REPS1: variants seen among roughly 807,000 people sequenced by gnomAD.
REPS1 encodes ralBP1-associated Eps domain-containing protein 1.
A neutral mutation model predicts 100.9 loss-of-function variants in REPS1; 39 were observed. That is an observed-to-expected ratio of 0.39 (90% CI 0.30 to 0.50). REPS1 has a LOEUF of 0.50. Among genes scored for constraint, REPS1 ranks in the 20% least tolerant of loss-of-function variants. REPS1 has a pLI of 0.86. For missense variants in REPS1, 821 were observed against 968.5 expected, an observed-to-expected ratio of 0.85 and a Z score of 2.02; for synonymous variants, 324 against 340.3, an observed-to-expected ratio of 0.95 and a Z score of 0.53.
At chr6:138,957,534 G>A (rs1783468633) in intron 1 of REPS1, among the ~76,000 whole-genome samples, 1 of 152,132 alleles carries the variant, frequency 6.6e-6, no homozygotes, top group Non-Finnish European at 1.5e-5. Context: ...ATTGAAGGAT[G>A]TCATTCAGCA....
intron 2 of REPS1, among the ~76,000 whole-genome samples, chr6:138,947,035 GCTCTCTCTCTCTCTCTCT>G (rs10581264): frequency 1.5e-5 from 2 of 137,636 alleles, no homozygotes; most frequent in Non-Finnish European, 3.1e-5. Flanking sequence ...ATTCCCCCTT[GCTCTCTCTCTCTCTCTCT>G]CTCTCTCTCT....
At chr6:138,986,194 T>A (rs578166289) in intron 1 of REPS1, among the ~76,000 whole-genome samples, 12 of 152,352 alleles carry the variant, frequency 7.9e-5, no homozygotes, top group Non-Finnish European at 1.6e-4. Context: ...AGAGCATATG[T>A]GGCCAGCAAA....
intron 1 of REPS1, among the ~76,000 whole-genome samples, chr6:138,966,827 A>G (rs928826919): frequency 8.5e-5 from 13 of 152,222 alleles, no homozygotes; most frequent in African/African-American, 3.1e-4. Flanking sequence ...GGTCCCTTCT[A>G]ATACAAATAT....
rs752858400 is a variant in REPS1 at position 138,943,999 on chromosome 6, C to T, written c.770G>A (p.Arg257Gln). Reference sequence around the variant, plus strand: ...GGCAGTTGTAGCTGATGCTACAGTTCGTACTGTTGTCTGGTCCTGTAATGA... The same window carrying T: ...GGCAGTTGTAGCTGATGCTACAGTTTGTACTGTTGTCTGGTCCTGTAATGA... Reference protein sequence around the residue: ...PASVQDQTTVRTVASATTAIE... With the variant: ...PASVQDQTTVQTVASATTAIE... The change falls in exon 6 of 20, where the codon CGA becomes CAA. Residue 257 changes from arginine (R) to glutamine (Q), a missense_variant. Physicochemically the swap from Arg to Gln is conservative, Grantham distance 43. Transcript: ENST00000450536. The T allele has an allele frequency of 9.3e-6, 15 of 1,613,680 alleles. No homozygotes were observed. Among genetic ancestry groups the T allele is most frequent in the African/African-American group, 2.7e-5 (2 of 74,906 alleles).
intron 1 of REPS1, among the ~76,000 whole-genome samples, chr6:138,970,345 G>A (rs189239048): frequency 1.3e-5 from 2 of 151,608 alleles, no homozygotes; most frequent in African/African-American, 2.4e-5. Flanking sequence ...TCAGCTCCAC[G>A]ATGAACAAGA....
At chr6:138,963,018 T>C (rs1260546326) in intron 1 of REPS1, among the ~76,000 whole-genome samples, 1 of 152,208 alleles carries the variant, frequency 6.6e-6, no homozygotes, top group East Asian at 1.9e-4. Context: ...TTCTCCATAA[T>C]GTATAACCCC....
At chr6:138,932,411 G>A (rs1007270723) in intron 8 of REPS1, among the ~76,000 whole-genome samples, 9 of 151,982 alleles carry the variant, frequency 5.9e-5, no homozygotes, top group Non-Finnish European at 1.2e-4. Context: ...AGGCAGTGGC[G>A]ACAAAATATA....
chr6:138,916,409 C>T (rs944617740), intron 13 of REPS1, among the ~76,000 whole-genome samples: 37 of 151,026 alleles, frequency 2.4e-4, no homozygotes, highest in African/African-American at 8.8e-4. Context: ...TTAGTAGAGA[C>T]GGAGTTTCAC....
intron 8 of REPS1, among the ~76,000 whole-genome samples, chr6:138,938,201 A>C (rs1781984705): frequency 6.6e-6 from 1 of 152,212 alleles, no homozygotes; most frequent in South Asian, 2.1e-4. Flanking sequence ...CGACAGAAGT[A>C]CTTCTGCCTA....
At chr6:138,950,157 T>C (rs1224502600) in intron 1 of REPS1, among the ~76,000 whole-genome samples, 2 of 152,146 alleles carry the variant, frequency 1.3e-5, no homozygotes, top group African/African-American at 4.8e-5. Context: ...ACAAATCAGA[T>C]ATCCTTTTGA....
At chr6:138,963,020 T>TATA (rs1228863775) in intron 1 of REPS1, among the ~76,000 whole-genome samples, 2 of 152,192 alleles carry the variant, frequency 1.3e-5, no homozygotes, top group African/African-American at 4.8e-5. Flanking sequence ...CTCCATAATG[T>TATA]ATAACCCCAA....
In REPS1 at chr6:138,983,455, A is replaced by AAAAAAT. The variant is rs146935853; in HGVS notation, c.153+4069_153+4074dup. Among the ~76,000 whole-genome samples the AAAAAAT allele has an allele frequency of 8.4e-4, 127 of 152,068 alleles. No individual in the cohort carries two copies. In the Middle Eastern group the frequency reaches 0.01, roughly 12 times the overall value. ...GGGCAACAGAGCGAGAGACTGTCTC[A>AAAAAAT]AAAAATAAAAATAAAAATAAAAATA... On this transcript the variant is annotated intron_variant, in intron 1 of 19. Coordinates refer to ENST00000450536, the MANE Select transcript of REPS1 (RefSeq NM_001286611.2).
At chr6:138,980,281 G>C (rs1398300929) in intron 1 of REPS1, among the ~76,000 whole-genome samples, 1 of 152,030 alleles carries the variant, frequency 6.6e-6, no homozygotes, top group Non-Finnish European at 1.5e-5. Context: ...GCTTCCACTT[G>C]CCCCCAGTAT....
intron 1 of REPS1, among the ~76,000 whole-genome samples, chr6:138,970,145 AT>A (rs1784258911): frequency 6.6e-6 from 1 of 152,152 alleles, no homozygotes; most frequent in African/African-American, 2.4e-5. Flanking sequence ...GGAGGCCACT[AT>A]AGTAGTTCAT....
rs1458435726 is a variant in REPS1, at chr6:138,943,551, T to C, written c.942A>G (p.Thr314=). Residue 314 remains threonine, a synonymous_variant, in exon 7 of 20, where the codon ACA becomes ACG. Coordinates refer to ENST00000450536, the MANE Select transcript of REPS1 (RefSeq NM_001286611.2). Reference sequence around the variant, plus strand: ...GTTCAAGAATAGGAAGTTTTGATTTTGTAAAAAACTCTTTAGCTGCAGATC... The same window carrying C: ...GTTCAAGAATAGGAAGTTTTGATTTCGTAAAAAACTCTTTAGCTGCAGATC... ...IPGSAAKEFF[T]KSKLPILELS... is the part of the protein sequence containing the mutation. The C allele has an allele frequency of 6.3e-7, 1 of 1,591,282 alleles. No individual in the cohort carries two copies. Among genetic ancestry groups the C allele is most frequent in the East Asian group, 2.2e-5 (1 of 44,674 alleles).
intron 1 of REPS1, among the ~76,000 whole-genome samples, chr6:138,978,666 C>T (rs1019177501): frequency 6.6e-6 from 1 of 152,044 alleles, no homozygotes; most frequent in Non-Finnish European, 1.5e-5. Flanking sequence ...AGTTTATTCC[C>T]AAGTATGTTA....
chr6:138,946,259 C>T (rs1348343880), intron 2 of REPS1, among the ~76,000 whole-genome samples: 1 of 103,708 alleles, frequency 9.6e-6, no homozygotes, highest in African/African-American at 3.5e-5. Flanking sequence ...TATTGTTCAC[C>T]CCCCAAAAAT....
chr6:138,941,715 T>G (rs577358325), intron 7 of REPS1, among the ~76,000 whole-genome samples: 3 of 152,176 alleles, frequency 2.0e-5, no homozygotes, highest in Non-Finnish European at 4.4e-5. Flanking sequence ...TAAGCTTTCC[T>G]GTGTGTTTGA....
intron 1 of REPS1, among the ~76,000 whole-genome samples, chr6:138,955,457 A>AAGTGTGTGTGTGTGT (rs10689184): frequency 0.049 from 4,393 of 90,362 alleles, 212 homozygotes; most frequent in African/African-American, 0.083. Context: ...AAAAAAAAAA[A>AAGTGTGTGTGTGTGT]GTGTGTGTGT....
Sources: gnomAD v4.1 joint callset for allele counts (sites outside exome capture counted in the v4.1 genomes callset) on GRCh38, gnomAD v4.1.1 for gene constraint, MANE v1.5 for transcripts, NCBI Gene and HGNC (gene_info 2026-07-23, HGNC 2026-07-21) for gene names.